The following PCDHGA6 variants were observed in gnomAD, a reference collection of about 807,000 sequenced individuals.
PCDHGA6 encodes the protein protocadherin gamma subfamily A, 6.
Under a neutral mutation model 60.6 loss-of-function variants are expected in PCDHGA6, and 41 were observed. That is an observed-to-expected ratio of 0.68 (90% confidence interval 0.53 to 0.88). The LOEUF (loss-of-function observed/expected upper bound fraction) is 0.88. Ranked by LOEUF, PCDHGA6 falls within the 40% of genes least tolerant of loss-of-function variation. The pLI is 0.00. For synonymous variants in PCDHGA6, 594 were observed against 524.4 expected, an observed-to-expected ratio of 1.13 and a Z score of -1.81; for missense variants, 1,312 against 1,203.0, an observed-to-expected ratio of 1.09 and a Z score of -1.34.
At chr5:141,479,930 T>C (rs1355410974) in intron 1 of PCDHGA6, among the ~76,000 whole-genome samples, 15 of 152,218 alleles carry the variant, frequency 9.9e-5, no homozygotes, top group Non-Finnish European at 1.9e-4. Context: ...CAGTGCATCA[T>C]TGCTATCAAC....
chr5:141,386,797 T>C (rs771279831), intron 1 of PCDHGA6, among the ~76,000 whole-genome samples: 1 of 152,124 alleles, frequency 6.6e-6, no homozygotes, highest in Non-Finnish European at 1.5e-5. Context: ...TGACCAAAAT[T>C]TATTAGATGC....
At chr5:141,453,451 T>C (rs1052905667) in intron 1 of PCDHGA6, among the ~76,000 whole-genome samples, 1 of 152,096 alleles carries the variant, frequency 6.6e-6, no homozygotes, top group Non-Finnish European at 1.5e-5. Flanking sequence ...TTTTTGAATA[T>C]GTAAAACATT....
At chr5:141,439,445 G>A (rs1030957687) in intron 1 of PCDHGA6, among the ~76,000 whole-genome samples, 5 of 152,102 alleles carry the variant, frequency 3.3e-5, no homozygotes, top group African/African-American at 4.8e-5. Flanking sequence ...ATTTTATTGC[G>A]GGAGCAAGAC....
At chr5:141,418,630 A>G in intron 1 of PCDHGA6, 1 of 1,614,046 alleles carries the variant, frequency 6.2e-7, no homozygotes, top group Non-Finnish European at 8.5e-7. Context: ...ACGTGCCTCC[A>G]GGCACCTCCA....
Position 141,375,224 on chromosome 5 carries a change from C to T in PCDHGA6, c.1141C>T (p.Leu381=). The change falls in exon 1 of 4, where the codon CTG becomes TTG. Residue 381 remains leucine, a synonymous_variant. Coordinates refer to ENST00000517434, the MANE Select transcript of PCDHGA6 (RefSeq NM_018919.3). ...CGATCGAGACTCTGGCCTGAATGGC[C>T]TGGTAACCTGTTCCATCCCGAGAAG... is the stretch of plus-strand genomic sequence containing the variant. The part of the protein sequence containing the change: ...VFDRDSGLNG[L]VTCSIPRSLP... The T allele has an allele frequency of 6.2e-7, 1 of 1,613,976 alleles. No homozygotes were observed. Among genetic ancestry groups the T allele is most frequent in the South Asian group, 1.1e-5 (1 of 91,086 alleles).
rs70988800 is a variant in PCDHGA6, at chr5:141,379,889, C to CTT, written c.2424+3411_2424+3412dup. On this transcript the variant is annotated intron_variant, in intron 1 of 3. Transcript: ENST00000517434. ...CTTATTTTATGGTCTGTGAAAGCCT[C>CTT]TTTTTTTTTTTTTTTTTTTTTTTTT... Among the ~76,000 whole-genome samples the CTT allele has an allele frequency of 2.1e-3, 106 of 50,824 alleles. 11 individuals carry two copies. Among genetic ancestry groups the CTT allele is most frequent in the East Asian group, 2.5e-3 (4 of 1,606 alleles). 33.3% of individuals were successfully genotyped at this position (50,824 alleles called of 152,430 possible).
intron 1 of PCDHGA6, among the ~76,000 whole-genome samples, chr5:141,460,983 GTATATA>G (rs59296681): frequency 0.23 from 32,081 of 137,558 alleles, 4,351 homozygotes; most frequent in African/African-American, 0.39. Context: ...GTGTGTGTGT[GTATATA>G]TATATATGTG....
At chr5:141,447,947 A>G (rs2098555998) in intron 1 of PCDHGA6, among the ~76,000 whole-genome samples, 1 of 151,958 alleles carries the variant, frequency 6.6e-6, no homozygotes, top group South Asian at 2.1e-4. Flanking sequence ...TTAGCTGGGC[A>G]TGGTGGCGGA....
At position 141,499,027 on chromosome 5, in the gene PCDHGA6, A is replaced by AG. The variant is rs1323149397; in HGVS notation, c.2483+4163dup. 7.4e-3 allele frequency among the ~76,000 whole-genome samples: 1,116 copies of AG among 149,928 alleles called. 12 individuals are homozygous for AG. Among genetic ancestry groups the AG allele is most frequent in the African/African-American group, 0.026 (1,074 of 40,604 alleles). On this transcript the variant is annotated intron_variant, in intron 2 of 3. Transcript: ENST00000517434. ...AAGGAAGGAAGGAAGGAAGGAAGGA[A>AG]GAAAAGAAAGAAAAAGGGAGAAAAA...
rs766164142 is a variant in PCDHGA6, at chr5:141,477,910, G to T, written c.2425-16897G>T. ...TGTCACGGGTGGTAGGCTGGGACGC[G>T]GATGCAGGGCACAATGCCTGGCTCT... On this transcript the variant is annotated intron_variant, in intron 1 of 3. Transcript: ENST00000517434. This position sits in a 1 kb window ranked among gnomAD's most constrained non-coding sequence, Gnocchi z 4.9. The T allele has an allele frequency of 6.2e-7, 1 of 1,614,048 alleles. No individual in the cohort carries two copies. Among genetic ancestry groups the T allele is most frequent in the African/African-American group, 1.3e-5 (1 of 74,932 alleles).
chr5:141,430,830 G>C, intron 1 of PCDHGA6: 1 of 1,554,968 alleles, frequency 6.4e-7, no homozygotes, highest in Non-Finnish European at 8.7e-7. Context: ...GGGACTCTGT[G>C]GGAGACCGGA....
At chr5:141,410,849 CT>C (rs759346998) in intron 1 of PCDHGA6, 9,989 of 137,410 alleles carry the variant, frequency 0.073, 1 homozygote, top group South Asian at 0.15. Context: ...TTGTCTTTGT[CT>C]TTTTTTTTTT....
chr5:141,408,279 A>G (rs1313502495), intron 1 of PCDHGA6: 1 of 1,612,184 alleles, frequency 6.2e-7, no homozygotes, highest in Admixed American at 1.7e-5. Flanking sequence ...CCTTTGTTCT[A>G]CCCCACCCTG....
Position 141,374,199 on chromosome 5 carries a change from T to C in PCDHGA6, c.116T>C (p.Leu39Pro). The change falls in exon 1 of 4, where the codon CTG becomes CCG. Residue 39 changes from leucine (L) to proline (P), a missense_variant. Coordinates refer to ENST00000517434, the MANE Select transcript of PCDHGA6 (RefSeq NM_018919.3). ...AQIRYSIPEE[L>P]EKGSFVGNIV... ...ATCCGCTACTCTATTCCCGAGGAGC[T>C]GGAGAAAGGCTCCTTCGTAGGCAAC... 2 of 1,613,856 alleles carry C rather than the reference T, an allele frequency of 1.2e-6. No homozygotes were observed. The highest frequency in any genetic ancestry group is 1.7e-6 in the Non-Finnish European group (2 of 1,179,888).
At chr5:141,421,921 G>T in intron 1 of PCDHGA6, 1 of 1,613,644 alleles carries the variant, frequency 6.2e-7, no homozygotes, top group Non-Finnish European at 8.5e-7. Context: ...CATTCGTGTG[G>T]TGGTCCTCGA....
At chr5:141,456,593 G>C (rs917316601) in intron 1 of PCDHGA6, among the ~76,000 whole-genome samples, 2 of 152,168 alleles carry the variant, frequency 1.3e-5, no homozygotes, top group African/African-American at 4.8e-5. Flanking sequence ...CAATAATTTT[G>C]ATTTGATTTT....
rs2099623095 is a variant in PCDHGA6 at position 141,486,025 on chromosome 5, T to C, written c.2425-8782T>C. 1 of 1,613,958 alleles carries C rather than the reference T, an allele frequency of 6.2e-7. No individual in the cohort carries two copies. The highest frequency in any genetic ancestry group is 8.5e-7 in the Non-Finnish European group (1 of 1,179,932). The stretch of plus-strand genomic sequence containing the variant: ...ACGTCACCTTTTATTTCAGTGGTCA[T>C]ACCCCTGATCGTGTAAGAAACCTCT... On this transcript the variant is annotated intron_variant, in intron 1 of 3. Transcript: ENST00000517434. The surrounding 1 kb of genome is among the most constrained non-coding windows in gnomAD (Gnocchi z 5.0).
chr5:141,422,087 G>A, intron 1 of PCDHGA6: 6 of 1,611,966 alleles, frequency 3.7e-6, no homozygotes, highest in Non-Finnish European at 5.1e-6. Context: ...AACATGGAAA[G>A]CAAGGCTTCT....
chr5:141,403,339 C>A, intron 1 of PCDHGA6: 2 of 1,614,010 alleles, frequency 1.2e-6, no homozygotes, highest in Non-Finnish European at 1.7e-6. Flanking sequence ...TTAACGACAG[C>A]GCCCCAAAGT....
Sources: gnomAD v4.1 joint callset for allele counts (sites outside exome capture counted in the v4.1 genomes callset) on GRCh38, gnomAD v4.1.1 for gene constraint, Gnocchi (gnomAD v3.1) non-coding constraint, MANE v1.5 for transcripts, NCBI Gene and HGNC (gene_info 2026-07-23, HGNC 2026-07-21) for gene names.